The following LHFPL6 variants were observed in gnomAD, a reference collection of about 807,000 sequenced individuals.
LHFPL6 encodes the protein LHFPL tetraspan subfamily member 6 protein.
LHFPL6 carries 9 observed loss-of-function variants against 20.6 expected under a neutral mutation model. The observed-to-expected ratio is 0.44, with a 90% confidence interval of 0.26 to 0.76. The LOEUF (loss-of-function observed/expected upper bound fraction) is 0.76. Ranked by LOEUF, LHFPL6 falls within the 30% of genes least tolerant of loss-of-function variation. The probability of loss-of-function intolerance (pLI) is 0.20; values close to 1 mark genes in which losing one functional copy is unlikely to be tolerated. For synonymous variants in LHFPL6, 105 were observed against 98.7 expected, an observed-to-expected ratio of 1.06 and a Z score of -0.38; for missense variants, 218 against 253.5, an observed-to-expected ratio of 0.86 and a Z score of 0.95.
At chr13:39,362,408 A>T (rs1869897314) in intron 3 of LHFPL6, among the ~76,000 whole-genome samples, 1 of 152,188 alleles carries the variant, frequency 6.6e-6, no homozygotes, top group South Asian at 2.1e-4. Context: ...CTGTGCACCA[A>T]TTAAACCTTT....
chr13:39,375,443 C>A (rs897636838), intron 3 of LHFPL6, among the ~76,000 whole-genome samples: 8 of 152,122 alleles, frequency 5.3e-5, no homozygotes, highest in African/African-American at 1.9e-4. Flanking sequence ...ATAATCCCAG[C>A]ACTTTGGGAG....
At chr13:39,483,897 T>C (rs1377981512) in intron 2 of LHFPL6, among the ~76,000 whole-genome samples, 4 of 152,230 alleles carry the variant, frequency 2.6e-5, no homozygotes, top group African/African-American at 7.2e-5. Flanking sequence ...GTTTAAGGTT[T>C]AAAACCTGGC....
At chr13:39,514,005 A>G (rs1427952133) in intron 2 of LHFPL6, among the ~76,000 whole-genome samples, 2 of 152,116 alleles carry the variant, frequency 1.3e-5, no homozygotes, top group East Asian at 1.9e-4. Flanking sequence ...ATTATTCCTA[A>G]TCCCTGCTCC....
At chr13:39,472,543 G>A (rs776142611) in intron 2 of LHFPL6, among the ~76,000 whole-genome samples, 18 of 152,090 alleles carry the variant, frequency 1.2e-4, no homozygotes, top group Non-Finnish European at 2.1e-4. Context: ...GTTCAGCTGT[G>A]AGAGCAGGGA....
chr13:39,519,329 A>G (rs890404205), intron 2 of LHFPL6, among the ~76,000 whole-genome samples: 4 of 152,264 alleles, frequency 2.6e-5, no homozygotes, highest in African/African-American at 9.6e-5. Context: ...TAGAAATTCT[A>G]TAGTAAATCC....
At chr13:39,589,633 T>C (rs1299591382) in intron 2 of LHFPL6, among the ~76,000 whole-genome samples, 1 of 152,186 alleles carries the variant, frequency 6.6e-6, no homozygotes, top group Non-Finnish European at 1.5e-5. Flanking sequence ...TTATCCTTCA[T>C]TTTTAAAGAC....
intron 2 of LHFPL6, among the ~76,000 whole-genome samples, chr13:39,425,365 G>C (rs1157135043): frequency 6.6e-6 from 1 of 152,140 alleles, no homozygotes; most frequent in East Asian, 1.9e-4. Flanking sequence ...AAACAAAGCT[G>C]CTATAAACAT....
At chr13:39,409,988 T>C (rs907157147) in intron 2 of LHFPL6, among the ~76,000 whole-genome samples, 14 of 152,212 alleles carry the variant, frequency 9.2e-5, no homozygotes, top group Non-Finnish European at 1.9e-4. Flanking sequence ...TGTTGGATCA[T>C]GCCCAGCACA....
intron 2 of LHFPL6, among the ~76,000 whole-genome samples, chr13:39,428,289 T>C (rs1356274901): frequency 6.6e-6 from 1 of 152,236 alleles, no homozygotes; most frequent in African/African-American, 2.4e-5. Flanking sequence ...GTAGAATTAA[T>C]ATTACTTTTT....
chr13:39,450,836 T>C (rs1019428062), intron 2 of LHFPL6, among the ~76,000 whole-genome samples: 1 of 152,176 alleles, frequency 6.6e-6, no homozygotes, highest in African/African-American at 2.4e-5. Flanking sequence ...TTAGCTGAAT[T>C]ATAAAATTAA....
intron 2 of LHFPL6, among the ~76,000 whole-genome samples, chr13:39,484,221 G>A (rs749967671): frequency 2.6e-5 from 4 of 152,064 alleles, no homozygotes; most frequent in Non-Finnish European, 4.4e-5. Flanking sequence ...AAGTGTGGCC[G>A]GAATGAACTT....
At chr13:39,517,464 T>C (rs2138481981) in intron 2 of LHFPL6, among the ~76,000 whole-genome samples, 1 of 152,312 alleles carries the variant, frequency 6.6e-6, no homozygotes, top group African/African-American at 2.4e-5. Context: ...CTTAAATGAA[T>C]GTAATTAATC....
chr13:39,558,248 AC>A (rs1209246161), intron 2 of LHFPL6, among the ~76,000 whole-genome samples: 8 of 152,172 alleles, frequency 5.3e-5, no homozygotes, highest in Non-Finnish European at 8.8e-5. Flanking sequence ...TGGACAGGTC[AC>A]CTAACCTCCA....
chr13:39,518,448 T>G (rs886866304), intron 2 of LHFPL6, among the ~76,000 whole-genome samples: 5 of 152,228 alleles, frequency 3.3e-5, no homozygotes, highest in South Asian at 2.1e-4. Flanking sequence ...TTTAATCAAC[T>G]TATATGTAGA....
At chr13:39,365,460 T>C (rs756107679) in intron 3 of LHFPL6, among the ~76,000 whole-genome samples, 1 of 152,172 alleles carries the variant, frequency 6.6e-6, no homozygotes, top group Non-Finnish European at 1.5e-5. Flanking sequence ...TTTTTGCTTG[T>C]ACAGTAGCTC....
intron 2 of LHFPL6, among the ~76,000 whole-genome samples, chr13:39,502,334 T>A (rs1869319706): frequency 6.6e-6 from 1 of 151,954 alleles, no homozygotes; most frequent in Admixed American, 6.6e-5. Flanking sequence ...AAATACACAT[T>A]TTGGCCAGGC....
chr13:39,578,192 T>C (rs1173552943), intron 2 of LHFPL6, among the ~76,000 whole-genome samples: 1 of 152,132 alleles, frequency 6.6e-6, no homozygotes, highest in Non-Finnish European at 1.5e-5. Flanking sequence ...ACCAAGTTAG[T>C]TGTTATCTAA....
At chr13:39,504,716 G>A (rs1260224361) in intron 2 of LHFPL6, among the ~76,000 whole-genome samples, 1 of 152,172 alleles carries the variant, frequency 6.6e-6, no homozygotes, top group Non-Finnish European at 1.5e-5. Flanking sequence ...AAGACTATCT[G>A]CAAATACAGT....
intron 2 of LHFPL6, among the ~76,000 whole-genome samples, chr13:39,516,168 C>T (rs1869907266): frequency 6.6e-6 from 1 of 152,184 alleles, no homozygotes; most frequent in South Asian, 2.1e-4. Flanking sequence ...TCTGGGCAGA[C>T]AAAGCCCTCA....
Sources: allele counts gnomAD v4.1 joint callset (sites outside exome capture counted in the v4.1 genomes callset), GRCh38; gene constraint gnomAD v4.1.1; transcripts MANE v1.5; gene names NCBI Gene and HGNC (gene_info 2026-07-23, HGNC 2026-07-21).